SYT9: variants seen among roughly 807,000 people sequenced by gnomAD.
SYT9 encodes synaptotagmin-9.
In SYT9, 22 loss-of-function variants were observed where a neutral mutation model predicts 48.4. The observed-to-expected ratio is 0.45, with a 90% CI of 0.32 to 0.65. The LOEUF (loss-of-function observed/expected upper bound fraction) is 0.65, where lower values mean the gene tolerates loss of function less well. Among genes scored for constraint, SYT9 ranks in the 30% least tolerant of loss-of-function variants. SYT9 has a pLI of 0.03. For missense variants in SYT9, 577 were observed against 622.0 expected, an observed-to-expected ratio of 0.93 and a Z score of 0.77; for synonymous variants, 265 against 245.0, an observed-to-expected ratio of 1.08 and a Z score of -0.76.
At chr11:7,239,123 C>G (rs12280335) in intron 1 of SYT9, among the ~76,000 whole-genome samples, 6,137 of 152,202 alleles carry the variant, frequency 0.04, 424 homozygotes, top group African/African-American at 0.14. Context: ...AGTGAGCTCT[C>G]TTATTGGCAA....
At chr11:7,291,516 T>C (rs570216179) in intron 1 of SYT9, among the ~76,000 whole-genome samples, 20 of 152,260 alleles carry the variant, frequency 1.3e-4, no homozygotes, top group African/African-American at 4.8e-4. Flanking sequence ...ACAAAATACA[T>C]TGGCCCATTG....
chr11:7,320,743 G>A (rs1019632021), intron 3 of SYT9, among the ~76,000 whole-genome samples: 2 of 152,188 alleles, frequency 1.3e-5, no homozygotes, highest in African/African-American at 4.8e-5. Flanking sequence ...TAATCCTCAT[G>A]CTTTCCTATG....
At chr11:7,320,668 T>TA (rs1393486522) in intron 3 of SYT9, among the ~76,000 whole-genome samples, 3 of 152,006 alleles carry the variant, frequency 2.0e-5, no homozygotes, top group Non-Finnish European at 2.9e-5. Context: ...TAATCTTTTT[T>TA]AAAAAATTCT....
intron 3 of SYT9, among the ~76,000 whole-genome samples, chr11:7,314,540 C>A (rs537127901): frequency 6.6e-6 from 1 of 152,292 alleles, no homozygotes; most frequent in South Asian, 2.1e-4. Context: ...ACAGTCACAT[C>A]CAATTTAGGG....
intron 1 of SYT9, among the ~76,000 whole-genome samples, chr11:7,298,291 C>A (rs181892055): frequency 1.1e-4 from 16 of 152,238 alleles, no homozygotes; most frequent in South Asian, 2.1e-4. Context: ...TTTCACCAAT[C>A]ACATTATTTT....
chr11:7,294,513 C>A (rs1165154982), intron 1 of SYT9, among the ~76,000 whole-genome samples: 1 of 152,164 alleles, frequency 6.6e-6, no homozygotes, highest in African/African-American at 2.4e-5. Context: ...CTTCCAAATA[C>A]AATGGTGAAA....
chr11:7,360,634 C>T (rs1466168546), intron 3 of SYT9, among the ~76,000 whole-genome samples: 1 of 152,116 alleles, frequency 6.6e-6, no homozygotes, highest in Non-Finnish European at 1.5e-5. Context: ...GGAGTTCACT[C>T]ATGATTTGGC....
At chr11:7,249,627 A>G (rs1172879686), upstream of SYT9, among the ~76,000 whole-genome samples, 2 of 152,240 alleles carry the variant, frequency 1.3e-5, no homozygotes, top group African/African-American at 2.4e-5. Context: ...ATTGTAGTAG[A>G]AACATAACAG....
chr11:7,317,439 T>C (rs1056143419), intron 3 of SYT9, among the ~76,000 whole-genome samples: 1 of 152,178 alleles, frequency 6.6e-6, no homozygotes, highest in Non-Finnish European at 1.5e-5. Context: ...GAGGCTCTCT[T>C]CCTGGCTCAC....
intron 1 of SYT9, among the ~76,000 whole-genome samples, chr11:7,299,819 G>GA (rs1848885400): frequency 6.6e-6 from 1 of 152,138 alleles, no homozygotes; most frequent in African/African-American, 2.4e-5. Flanking sequence ...CAACTAACAG[G>GA]CTGGAGTTGT....
intron 3 of SYT9, among the ~76,000 whole-genome samples, chr11:7,323,089 G>A (rs1266987418): frequency 1.3e-5 from 2 of 151,994 alleles, no homozygotes; most frequent in Non-Finnish European, 2.9e-5. Flanking sequence ...TCTTTCTTCT[G>A]TCAATGGTTA....
At chr11:7,435,076 A>T (rs4417248) in intron 6 of SYT9, 4 of 152,064 alleles carry the variant, frequency 2.6e-5, no homozygotes, top group Non-Finnish European at 2.9e-5. Flanking sequence ...CAGGATAAGA[A>T]GGGGGAAAAT....
chr11:7,413,396 A>G (rs1187662784), intron 3 of SYT9, among the ~76,000 whole-genome samples: 2 of 152,162 alleles, frequency 1.3e-5, no homozygotes, highest in African/African-American at 4.8e-5. Context: ...GGGTCACAGC[A>G]TGAGCTCCCT....
chr11:7,456,601 G>T (rs1171882247), intron 6 of SYT9, among the ~76,000 whole-genome samples: 2 of 152,236 alleles, frequency 1.3e-5, no homozygotes, highest in Admixed American at 6.5e-5. Context: ...CCATTTTATT[G>T]TTCACTAAAG....
intron 3 of SYT9, among the ~76,000 whole-genome samples, chr11:7,382,201 G>A (rs1850578404): frequency 6.6e-6 from 1 of 152,160 alleles, no homozygotes; most frequent in African/African-American, 2.4e-5. Flanking sequence ...CCTGCCCAAT[G>A]GTCTCACTTC....
chr11:7,318,891 AT>A (rs1276330588), intron 3 of SYT9, among the ~76,000 whole-genome samples: 1 of 151,934 alleles, frequency 6.6e-6, no homozygotes, highest in African/African-American at 2.4e-5. Context: ...TTAGCATTTT[AT>A]TTCTTCTGTG....
At chr11:7,343,059 T>A (rs1215305626) in intron 3 of SYT9, among the ~76,000 whole-genome samples, 1 of 152,134 alleles carries the variant, frequency 6.6e-6, no homozygotes, top group Non-Finnish European at 1.5e-5. Context: ...ATGGTAGGGG[T>A]ACACTGGACC....
intron 3 of SYT9, among the ~76,000 whole-genome samples, chr11:7,324,525 T>G (rs1285125644): frequency 6.6e-6 from 1 of 151,978 alleles, no homozygotes; most frequent in Non-Finnish European, 1.5e-5. Context: ...AAATATGCAT[T>G]TAAGACTATA....
chr11:7,278,048 G>A (rs1469724657), intron 1 of SYT9, among the ~76,000 whole-genome samples: 2 of 152,200 alleles, frequency 1.3e-5, no homozygotes, highest in African/African-American at 2.4e-5. Flanking sequence ...CACATATGAT[G>A]AGAATCTTCT....
Sources: gnomAD v4.1 joint callset for allele counts (sites outside exome capture counted in the v4.1 genomes callset) on GRCh38, gnomAD v4.1.1 for gene constraint, MANE v1.5 for transcripts, NCBI Gene and HGNC (gene_info 2026-07-23, HGNC 2026-07-21) for gene names.